Variants in MYO19 observed in about 807,000 individuals in gnomAD.
MYO19 encodes myosin XIX, also known as unconventional myosin-XIX.
Under a neutral mutation model 129.2 loss-of-function variants are expected in MYO19, and 132 were observed. The ratio of observed to expected loss-of-function variants is 1.02; its 90% CI spans 0.89 to 1.18. MYO19 has a LOEUF of 1.18. Among genes scored for constraint, MYO19 ranks in the 50% most tolerant of loss-of-function variants. The pLI is 0.00. For missense variants in MYO19, 1,210 were observed against 1,216.7 expected (o/e 0.99, Z 0.08); for synonymous variants, 531 against 477.2 (o/e 1.11, Z -1.47).
intron 11 of MYO19, chr17:36,513,160 G>T: frequency 2.1e-6 from 3 of 1,406,782 alleles, no homozygotes; most frequent in Non-Finnish European, 2.8e-6. Context: ...CTGATCATGC[G>T]GTACCTTGCT....
intron 2 of MYO19, 129 bp from the exon 3 acceptor site, chr17:36,532,810 C>T (rs981809293): frequency 3.8e-5 from 21 of 554,558 alleles, no homozygotes; most frequent in Non-Finnish European, 5.4e-5. Flanking sequence ...GGAGAGTGGG[C>T]CTGTCCTTTC....
At chr17:36,499,220 G>T in intron 23 of MYO19, 60 bp from the exon 24 acceptor site, 1 of 1,286,690 alleles carries the variant, frequency 7.8e-7, no homozygotes, top group Non-Finnish European at 1.1e-6. Context: ...AGCTGTCAGT[G>T]ACCTCGCTGC....
rs753665430 is a variant in MYO19, at chr17:36,496,395, CT to C, written c.2768del (p.Lys923SerfsTer36). 1 of 1,613,864 alleles carries C rather than the reference CT, an allele frequency of 6.2e-7. No individual in the cohort carries two copies. Among genetic ancestry groups the C allele is most frequent in the Admixed American group, 1.7e-5 (1 of 60,002 alleles). ...SIRALPQGSI[K>X]FHCRKSPLRY... is the part of the protein sequence containing the mutation. ...GCAGTGGAGACTTTCTGCAGTGAAA[CT>C]TTATCGATCCCTAGAGGGGAGAGAG... is the stretch of plus-strand genomic sequence containing the variant. On this transcript the variant is annotated frameshift_variant, in exon 26 of 26. Coordinates refer to ENST00000614623, the MANE Select transcript of MYO19 (RefSeq NM_001163735.2). LOFTEE classifies it high-confidence loss of function.
chr17:36,533,209 G>A (rs1280731001), intron 2 of MYO19: 1 of 152,808 alleles, frequency 6.5e-6, no homozygotes, highest in East Asian at 1.9e-4. Flanking sequence ...GGTTGTGAAG[G>A]TCAATGAGGT....
At chr17:36,513,069 CTAAG>C in intron 11 of MYO19, 1 of 1,261,872 alleles carries the variant, frequency 7.9e-7, no homozygotes, top group Non-Finnish European at 1.0e-6. Flanking sequence ...GTTTAAAAAA[CTAAG>C]TGAGCAGAGA....
chr17:36,531,562 T>C (rs560974525), intron 3 of MYO19, among the ~76,000 whole-genome samples: 1 of 152,258 alleles, frequency 6.6e-6, no homozygotes, highest in Admixed American at 6.5e-5. Flanking sequence ...GTAACTTGCT[T>C]TATTCCATTG....
intron 13 of MYO19, 64 bp downstream of exon 13, chr17:36,510,682 A>C: frequency 9.9e-5 from 149 of 1,503,786 alleles, no homozygotes; most frequent in Non-Finnish European, 1.3e-4. Context: ...TGTCTGGCCC[A>C]ACCCCGGACA....
rs2070929686 is a variant in MYO19 at position 36,495,953 on chromosome 17, C to CG, written c.*297_*298insC. 2.1e-6 allele frequency: 2 copies of CG among 952,854 alleles called. No homozygotes were observed. The highest frequency in any genetic ancestry group is 2.8e-6 in the Non-Finnish European group (2 of 725,802). 59.0% of individuals were successfully genotyped at this position (952,854 alleles called of 1,614,324 possible). On this transcript the variant is annotated 3_prime_UTR_variant, in exon 26 of 26. Transcript: ENST00000614623. ...GGAATTGGGATCCCCAGTGTAGTGA[C>CG]AGACAGTCATGACTGCTGCTGAGTT...
At chr17:36,509,245 G>A (rs1241271712) in intron 13 of MYO19, 110 bp from the exon 14 acceptor site, 2 of 890,224 alleles carry the variant, frequency 2.2e-6, no homozygotes, top group Non-Finnish European at 3.6e-6. Flanking sequence ...CTTGTATTCT[G>A]AGCCTGACAG....
chr17:36,526,094 T>C (rs953105651), intron 5 of MYO19, among the ~76,000 whole-genome samples: 1 of 152,134 alleles, frequency 6.6e-6, no homozygotes, highest in African/African-American at 2.4e-5. Flanking sequence ...AACTGTTCCA[T>C]ATGGCGTCAG....
At chr17:36,519,400 G>A (rs987293581) in intron 6 of MYO19, among the ~76,000 whole-genome samples, 5 of 152,106 alleles carry the variant, frequency 3.3e-5, no homozygotes, top group Non-Finnish European at 7.4e-5. Flanking sequence ...ATGTTAGGAT[G>A]TTATATTTTT....
chr17:36,514,328 T>G (rs2072585254), intron 9 of MYO19, 118 bp downstream of exon 9: 3 of 713,628 alleles, frequency 4.2e-6, no homozygotes, highest in South Asian at 3.3e-5. Context: ...AAGTGGTGGC[T>G]CCATCAAAAG....
Position 36,495,990 on chromosome 17 carries a change from G to A in MYO19, c.*261C>T. The A allele has an allele frequency of 1.2e-6, 1 of 825,886 alleles. No homozygotes were observed. The highest frequency in any genetic ancestry group is 2.9e-5 in the East Asian group (1 of 34,192). 51.2% of individuals were successfully genotyped at this position (825,886 alleles called of 1,614,324 possible). A position where few individuals can be genotyped will look rare whatever the true frequency, so the allele number is the denominator to read the frequency against. On this transcript the variant is annotated 3_prime_UTR_variant, in exon 26 of 26. Coordinates refer to ENST00000614623, the MANE Select transcript of MYO19 (RefSeq NM_001163735.2). ...ACTGCTGCTGAGTTTGATCTGTGAA[G>A]GTAGTGAAATGTGGCCCTGATGTTT...
At chr17:36,512,620 G>A in intron 11 of MYO19, 1 of 1,286,804 alleles carries the variant, frequency 7.8e-7, no homozygotes, top group South Asian at 1.2e-5. Context: ...CTTATCCTGG[G>A]CTTGTCCCCA....
chr17:36,513,611 G>A lies in MYO19; in HGVS notation c.817+18C>T. 1 of 1,613,982 alleles carries A rather than the reference G, an allele frequency of 6.2e-7. No homozygotes were observed. The highest frequency in any genetic ancestry group is 2.2e-5 in the East Asian group (1 of 44,884). The stretch of plus-strand genomic sequence containing the variant: ...TGATGCTGGGTCAGCGCAAGGTGCT[G>A]GATGGGGCTCCCCTTACCTTCTAAG... On this transcript the variant is annotated intron_variant, in intron 10 of 25. Transcript: ENST00000614623.
chr17:36,507,276 A>G (rs775603503), intron 16 of MYO19, 123 bp downstream of exon 16: 51 of 1,403,050 alleles, frequency 3.6e-5, no homozygotes, highest in Non-Finnish European at 4.7e-5. Flanking sequence ...AAATATAGCA[A>G]TTAGCAGATC....
upstream of MYO19, chr17:36,538,543 ATCTC>A (rs1223732394): frequency 2.5e-6 from 4 of 1,613,702 alleles, no homozygotes; most frequent in African/African-American, 2.7e-5. Flanking sequence ...TTTGTGGTCA[ATCTC>A]TATATGTTTT....
chr17:36,496,490 A>T, intron 25 of MYO19, 84 bp from the exon 26 acceptor site: 2 of 1,359,594 alleles, frequency 1.5e-6, no homozygotes, highest in Non-Finnish European at 2.1e-6. Flanking sequence ...GACGCTAAAA[A>T]TGCAAGAAGG....
At chr17:36,537,074 C>A, upstream of MYO19, 1 of 1,549,812 alleles carries the variant, frequency 6.5e-7, no homozygotes, top group Non-Finnish European at 8.7e-7. Flanking sequence ...AAATCCATTC[C>A]TTTGCTCTTG....
Sources: gnomAD v4.1 joint callset for allele counts (sites outside exome capture counted in the v4.1 genomes callset) on GRCh38, gnomAD v4.1.1 for gene constraint, MANE v1.5 for transcripts, NCBI Gene and HGNC (gene_info 2026-07-23, HGNC 2026-07-21) for gene names.